TMPRSS3: variants seen among roughly 807,000 people sequenced by gnomAD.
The protein encoded by TMPRSS3 is transmembrane serine protease 3, also known as transmembrane protease serine 3.
TMPRSS3 carries 55 observed loss-of-function variants against 59.6 expected under a neutral mutation model. That is an observed-to-expected ratio of 0.92 (90% CI 0.74 to 1.16). The LOEUF is 1.16. Among genes scored for constraint, TMPRSS3 ranks in the 50% most tolerant of loss-of-function variants. The pLI, the probability that TMPRSS3 is intolerant of heterozygous loss-of-function variation, is 0.00. For synonymous variants in TMPRSS3, 257 were observed against 237.7 expected (o/e 1.08, Z -0.75); for missense variants, 596 against 579.4 (o/e 1.03, Z -0.29).
rs1048295335 is a variant in TMPRSS3 at position 42,393,895 on chromosome 21, A to G, written c.94+1429T>C. On this transcript the variant is annotated intron_variant, in intron 2 of 12. Coordinates refer to ENST00000644384, the MANE Select transcript of TMPRSS3 (RefSeq NM_001256317.3). ...GTCAACATCTAGAAAATATTTAATTATTTAATGCCATAGAAAGGTGAAGGT... is the reference window on the plus strand; with the variant it reads ...GTCAACATCTAGAAAATATTTAATTGTTTAATGCCATAGAAAGGTGAAGGT... 5.9e-5 allele frequency among the ~76,000 whole-genome samples: 9 copies of G among 152,230 alleles called. 1 individual carries two copies. Among genetic ancestry groups the G allele is most frequent in the Non-Finnish European group, 1.3e-4 (9 of 68,036 alleles).
chr21:42,375,819 A>G lies in TMPRSS3; in HGVS notation c.1241T>C (p.Leu414Ser), dbSNP rs984312945. ...LVCQERRLWK[L>S]VGATSFGIGC... is the part of the protein sequence containing the mutation. ...GATGCCAAAGCTGGTCGCTCCCACT[A>G]ACTTCCACAGCCTCCTCTCTTGACA... Residue 414 changes from leucine to serine, a missense_variant, in exon 12 of 13, where the codon TTA (leucine) becomes TCA (serine). Physicochemically the swap from Leu to Ser is moderately radical, Grantham distance 145 (BLOSUM62 -2). Transcript: ENST00000644384. The G allele has an allele frequency of 6.2e-7, 1 of 1,613,468 alleles. No individual in the cohort carries two copies. Among genetic ancestry groups the G allele is most frequent in the Non-Finnish European group, 8.5e-7 (1 of 1,179,880 alleles).
chr21:42,379,762 C>T (rs945768625), intron 10 of TMPRSS3, among the ~76,000 whole-genome samples: 1 of 152,080 alleles, frequency 6.6e-6, no homozygotes, highest in African/African-American at 2.4e-5. Flanking sequence ...TTCACAAATA[C>T]GAATCTTTGA....
chr21:42,394,520 G>T (rs930539726), intron 2 of TMPRSS3, among the ~76,000 whole-genome samples: 1 of 152,038 alleles, frequency 6.6e-6, no homozygotes, highest in African/African-American at 2.4e-5. Flanking sequence ...AGCTAATTTT[G>T]AGCCATATTT....
rs2052788044 is a variant in TMPRSS3, at chr21:42,395,304, C to A, written c.94+20G>T. On this transcript the variant is annotated intron_variant, in intron 2 of 12. Coordinates refer to ENST00000644384, the MANE Select transcript of TMPRSS3 (RefSeq NM_001256317.3). ...AGGGTATGGGCAGAAATCACAGAGT[C>A]CTCACCTGGGTCCACTTACCTGGTG... 6.2e-7 allele frequency: 1 copy of A among 1,606,608 alleles called. No homozygotes were observed. Among genetic ancestry groups the A allele is most frequent in the East Asian group, 2.2e-5 (1 of 44,858 alleles).
chr21:42,388,650 G>T lies in TMPRSS3; in HGVS notation c.323-124C>A. 7.2e-7 allele frequency: 1 copy of T among 1,379,786 alleles called. No homozygotes were observed. The highest frequency in any genetic ancestry group is 1.0e-6 in the Non-Finnish European group (1 of 980,092). The allele number at this position is 1,379,786 out of a possible 1,614,324, so 85.5% of individuals were successfully genotyped here. On this transcript the variant is annotated intron_variant, in intron 4 of 12. Coordinates refer to ENST00000644384, the MANE Select transcript of TMPRSS3 (RefSeq NM_001256317.3). This position sits in a 1 kb window ranked among gnomAD's most constrained non-coding sequence, Gnocchi z 5.1. ...CAAATCTGACCCACTTCTTGTCCAC[G>T]GCAGCCTCCCCATCACAGAGCAGTG...
At chr21:42,382,910 C>T in intron 8 of TMPRSS3, 123 bp downstream of exon 8, 3 of 1,183,642 alleles carry the variant, frequency 2.5e-6, no homozygotes, top group Non-Finnish European at 3.7e-6. Context: ...TCCAACTGTA[C>T]ATTACTTGGA....
At position 42,392,118 on chromosome 21, in the gene TMPRSS3, C is replaced by T. The variant is rs558585612; in HGVS notation, c.95-2081G>A. Among the ~76,000 whole-genome samples the T allele has an allele frequency of 2.0e-5, 3 of 152,308 alleles. No homozygotes were observed. The South Asian group carries it at 6.2e-4, about 32-fold the overall frequency. ...CAATTGCCCAGGATGAGACTGGCAC[C>T]TGCCTCTCTTCTCCTAGTCTTGGAC... is the stretch of plus-strand genomic sequence containing the variant. On this transcript the variant is annotated intron_variant, in intron 2 of 12. Coordinates refer to ENST00000644384, the MANE Select transcript of TMPRSS3 (RefSeq NM_001256317.3).
chr21:42,393,038 A>C (rs1230420163), intron 2 of TMPRSS3, among the ~76,000 whole-genome samples: 1 of 152,210 alleles, frequency 6.6e-6, no homozygotes, highest in African/African-American at 2.4e-5. Context: ...AAAGCTTTCA[A>C]CTTCTTGACC....
chr21:42,382,653 C>A (rs570279391), intron 8 of TMPRSS3: 5 of 400,760 alleles, frequency 1.2e-5, no homozygotes, highest in African/African-American at 8.2e-5. Context: ...CAGTACCTGG[C>A]CCCCAACATA....
Position 42,395,462 on chromosome 21 carries a change from C to G in TMPRSS3, c.-45G>C, listed in dbSNP as rs756454876. ...CTGACATCCGGCTCCGCCTCCACCT[C>G]TACCTCCTTAGCCGAGGAAGAACAG... On this transcript the variant is annotated 5_prime_UTR_variant, in exon 2 of 13. The change abolishes the stop of an existing upstream ORF in the 5' untranslated region. Coordinates refer to ENST00000644384, the MANE Select transcript of TMPRSS3 (RefSeq NM_001256317.3). 1.3e-6 allele frequency: 2 copies of G among 1,512,480 alleles called. No homozygotes were observed. Among genetic ancestry groups the G allele is most frequent in the African/African-American group, 2.7e-5 (2 of 72,848 alleles). The allele number at this position is 1,512,480 out of a possible 1,614,324, so 93.7% of individuals were successfully genotyped here. A position where few individuals can be genotyped will look rare whatever the true frequency, so the allele number is the denominator to read the frequency against.
intron 7 of TMPRSS3, chr21:42,383,671 AG>A (rs773692871): frequency 8.5e-5 from 53 of 621,756 alleles, no homozygotes; most frequent in Non-Finnish European, 1.5e-4. Context: ...ACGTGTAAGG[AG>A]GAAGTGGGAA....
At position 42,375,165 on chromosome 21, in the gene TMPRSS3, G is replaced by A. The variant is rs563409657; in HGVS notation, c.1344+551C>T. Among the ~76,000 whole-genome samples, 9 of 151,962 alleles carry A rather than the reference G, an allele frequency of 5.9e-5. No individual in the cohort carries two copies. In the South Asian group the frequency reaches 1.9e-3, roughly 32 times the overall value. On this transcript the variant is annotated intron_variant, in intron 12 of 12. Coordinates refer to ENST00000644384, the MANE Select transcript of TMPRSS3 (RefSeq NM_001256317.3). Reference sequence around the variant, plus strand: ...TCCATGCCCGGGTCCTGCCAAGCCAGCCTCGCTGTTGGGTGCCCCCCTGCA... The same window carrying A: ...TCCATGCCCGGGTCCTGCCAAGCCAACCTCGCTGTTGGGTGCCCCCCTGCA...
chr21:42,383,414 C>T lies in TMPRSS3; in HGVS notation c.617-216G>A, dbSNP rs182989822. On this transcript the variant is annotated intron_variant, in intron 7 of 12. Transcript: ENST00000644384. Reference sequence around the variant, plus strand: ...AGGATGGTGGGTGCTGTGGAGGATGCGGTGGGAAAAGCACCTGCCCTGCTT... The same window carrying T: ...AGGATGGTGGGTGCTGTGGAGGATGTGGTGGGAAAAGCACCTGCCCTGCTT... 988 of 610,184 alleles carry T rather than the reference C, an allele frequency of 1.6e-3. 4 individuals carry two copies. Among genetic ancestry groups the T allele is most frequent in the Middle Eastern group, 0.016 (37 of 2,310 alleles). The allele number at this position is 610,184 out of a possible 1,614,324, so 37.8% of individuals were successfully genotyped here. A position where few individuals can be genotyped will look rare whatever the true frequency, so the allele number is the denominator to read the frequency against.
chr21:42,390,471 T>A, intron 2 of TMPRSS3: 1 of 211,874 alleles, frequency 4.7e-6, no homozygotes, highest in Non-Finnish European at 9.6e-6. Flanking sequence ...CTCACTCCTG[T>A]AATCCCAACA....
rs1021474120 is a variant in TMPRSS3 at position 42,396,019 on chromosome 21, C to G, written c.-129G>C. The G allele has an allele frequency of 1.9e-6, 1 of 518,902 alleles. No homozygotes were observed. The highest frequency in any genetic ancestry group is 1.9e-5 in the Admixed American group (1 of 51,578). The allele number at this position is 518,902 out of a possible 1,614,324, so 32.1% of individuals were successfully genotyped here. On this transcript the variant is annotated 5_prime_UTR_variant, in exon 1 of 13. Transcript: ENST00000644384. ...CACAGTGTTACTGGCTTCCCATAAA[C>G]ACAGCCCTTTCCTGGCTCACACGGG...
intron 9 of TMPRSS3, 87 bp from the exon 10 acceptor site, chr21:42,380,299 C>A: frequency 1.9e-6 from 2 of 1,067,868 alleles, no homozygotes; most frequent in Non-Finnish European, 2.8e-6. Context: ...CTCTGAGGAG[C>A]CCAAACTATC....
rs2052544781 is a variant in TMPRSS3 at position 42,382,199 on chromosome 21, C to A, written c.818G>T (p.Gly273Val). ...TGGATTGTCCAACAGGGAAACTAGA[C>A]CCACCTGGATGGTCCATGACTTGGG... is the stretch of plus-strand genomic sequence containing the variant. ...YLPKSWTIQV[G>V]LVSLLDNPAP... The change falls in exon 9 of 13, where the codon GGT (glycine) becomes GTT (valine). Residue 273 changes from glycine (G) to valine (V), a missense_variant. Physicochemically the swap from Gly to Val is moderately radical, Grantham distance 109. Coordinates refer to ENST00000644384, the MANE Select transcript of TMPRSS3 (RefSeq NM_001256317.3). 6.2e-7 allele frequency: 1 copy of A among 1,614,040 alleles called. No homozygotes were observed. The highest frequency in any genetic ancestry group is 1.7e-5 in the Admixed American group (1 of 60,004).
At chr21:42,375,392 C>T (rs1298512263) in intron 12 of TMPRSS3, among the ~76,000 whole-genome samples, 1 of 151,386 alleles carries the variant, frequency 6.6e-6, no homozygotes, top group African/African-American at 2.4e-5. Context: ...GCTCCTGGCA[C>T]ACGGGGCACG....
intron 5 of TMPRSS3, among the ~76,000 whole-genome samples, chr21:42,386,239 A>C (rs186102131): frequency 6.6e-6 from 1 of 152,346 alleles, no homozygotes; most frequent in African/African-American, 2.4e-5. Context: ...AACACAGTAC[A>C]GTAGGCTTGT....
Sources: allele counts gnomAD v4.1 joint callset (sites outside exome capture counted in the v4.1 genomes callset), GRCh38; gene constraint gnomAD v4.1.1; non-coding constraint Gnocchi (gnomAD v3.1); transcripts MANE v1.5; gene names NCBI Gene and HGNC (gene_info 2026-07-23, HGNC 2026-07-21).